ARB2A: variants seen among roughly 807,000 people sequenced by gnomAD.
ARB2A encodes the protein cotranscriptional regulator ARB2A.
chr5:93,974,771 C>T, the ARB2A span, among the ~76,000 whole-genome samples: 1 of 151,900 alleles, frequency 6.6e-6, no homozygotes, highest in Non-Finnish European at 1.5e-5. Flanking sequence ...ATGAATCATA[C>T]GAAACATCTT....
chr5:93,738,435 C>G, the ARB2A span: 33 of 152,472 alleles, frequency 2.2e-4, no homozygotes, highest in Admixed American at 7.8e-4. Context: ...CTCAGAAATT[C>G]CACTCCTATG....
the ARB2A span, among the ~76,000 whole-genome samples, chr5:93,796,564 A>G: frequency 6.6e-6 from 1 of 152,188 alleles, no homozygotes; most frequent in Non-Finnish European, 1.5e-5. Flanking sequence ...TATTGTTTGA[A>G]AATATTTGAA....
the ARB2A span, among the ~76,000 whole-genome samples, chr5:93,769,513 T>C: frequency 6.6e-6 from 1 of 152,190 alleles, no homozygotes; most frequent in African/African-American, 2.4e-5. Flanking sequence ...CAACATTTTT[T>C]ATGGACTCTG....
At chr5:93,882,983 T>C in the ARB2A span, among the ~76,000 whole-genome samples, 4 of 151,544 alleles carry the variant, frequency 2.6e-5, no homozygotes, top group Admixed American at 6.6e-5. Flanking sequence ...TTTTAAAAAA[T>C]TGACAGCAGT....
chr5:93,709,913 A>C, the ARB2A span, among the ~76,000 whole-genome samples: 1 of 152,330 alleles, frequency 6.6e-6, no homozygotes, highest in Middle Eastern at 3.4e-3. Context: ...TAAAACTTTT[A>C]AGAAGCAAAA....
the ARB2A span, among the ~76,000 whole-genome samples, chr5:93,836,025 G>GA: frequency 6.6e-5 from 10 of 152,050 alleles, no homozygotes; most frequent in African/African-American, 1.7e-4. Context: ...TAAGATGAAA[G>GA]AAAAAATTTT....
At chr5:94,099,234 T>C in the ARB2A span, among the ~76,000 whole-genome samples, 1 of 152,060 alleles carries the variant, frequency 6.6e-6, no homozygotes, top group African/African-American at 2.4e-5. Flanking sequence ...CTCAACAAAA[T>C]ACGTGCAAAT....
At chr5:93,843,606 A>G in the ARB2A span, among the ~76,000 whole-genome samples, 1 of 151,732 alleles carries the variant, frequency 6.6e-6, no homozygotes, top group East Asian at 1.9e-4. Context: ...GCTAATTTTC[A>G]ACTGCTTTGT....
chr5:94,039,161 A>T, the ARB2A span, among the ~76,000 whole-genome samples: 1 of 152,222 alleles, frequency 6.6e-6, no homozygotes, highest in Non-Finnish European at 1.5e-5. Flanking sequence ...TCTAAATCAT[A>T]ATGATAAACA....
At chr5:94,051,648 C>T in the ARB2A span, among the ~76,000 whole-genome samples, 7 of 152,120 alleles carry the variant, frequency 4.6e-5, no homozygotes, top group African/African-American at 9.7e-5. Flanking sequence ...TAACCTCACA[C>T]GCTGGTGAGC....
At chr5:93,698,293 C>T in the ARB2A span, among the ~76,000 whole-genome samples, 27,878 of 151,962 alleles carry the variant, frequency 0.18, 2,926 homozygotes, top group Middle Eastern at 0.28. Context: ...GCCTGTCTAC[C>T]TTGTGCCAGG....
chr5:93,618,220 TA>T, the ARB2A span: 1 of 152,112 alleles, frequency 6.6e-6, no homozygotes, highest in Non-Finnish European at 1.5e-5. Context: ...AAAGAACAGT[TA>T]TTAAAGGTAC....
At chr5:93,637,288 G>C in the ARB2A span, among the ~76,000 whole-genome samples, 1 of 149,736 alleles carries the variant, frequency 6.7e-6, no homozygotes, top group Non-Finnish European at 1.5e-5. Flanking sequence ...GTATTCCATG[G>C]TATAGATATA....
chr5:93,772,157 G>A, the ARB2A span, among the ~76,000 whole-genome samples: 1 of 152,148 alleles, frequency 6.6e-6, no homozygotes, highest in African/African-American at 2.4e-5. Flanking sequence ...TCCTTTGTAG[G>A]GACATGGATG....
the ARB2A span, among the ~76,000 whole-genome samples, chr5:93,768,686 T>C: frequency 9.2e-5 from 14 of 151,988 alleles, no homozygotes; most frequent in African/African-American, 2.9e-4. Flanking sequence ...GTTTAGGCAA[T>C]CCTCCCACCT....
At chr5:93,991,407 G>A in the ARB2A span, among the ~76,000 whole-genome samples, 1 of 151,896 alleles carries the variant, frequency 6.6e-6, no homozygotes, top group South Asian at 2.1e-4. Context: ...AATTACTAGA[G>A]AAATTCACAG....
the ARB2A span, among the ~76,000 whole-genome samples, chr5:93,759,458 A>T: frequency 1.2e-3 from 183 of 152,342 alleles, no homozygotes; most frequent in African/African-American, 4.2e-3. Flanking sequence ...AGAAAACTAC[A>T]GACCAATATT....
the ARB2A span, among the ~76,000 whole-genome samples, chr5:94,057,024 C>T: frequency 6.6e-6 from 1 of 152,164 alleles, no homozygotes; most frequent in African/African-American, 2.4e-5. Flanking sequence ...CTCTCTCTGC[C>T]GATCTTCAAG....
the ARB2A span, chr5:94,055,927 T>G: frequency 1.0e-6 from 1 of 984,800 alleles, no homozygotes; most frequent in African/African-American, 1.7e-5. Flanking sequence ...CTTACATCTA[T>G]ATATCACTTT....
Sources: allele counts gnomAD v4.1 joint callset (sites outside exome capture counted in the v4.1 genomes callset), GRCh38; gene constraint gnomAD v4.1.1; transcripts MANE v1.5; gene names NCBI Gene and HGNC (gene_info 2026-07-23, HGNC 2026-07-21).